The following CMSS1 variants were observed in gnomAD, a reference collection of about 807,000 sequenced individuals.
CMSS1 encodes protein CMSS1.
CMSS1 carries 33 observed loss-of-function variants against 43.5 expected under a neutral mutation model. The observed-to-expected ratio is 0.76, with a 90% confidence interval of 0.57 to 1.01. CMSS1 has a LOEUF of 1.01. Among genes scored for constraint, CMSS1 ranks in the 50% least tolerant of loss-of-function variants. CMSS1 has a pLI of 0.00. For synonymous variants in CMSS1, 115 were observed against 117.2 expected, an observed-to-expected ratio of 0.98 and a Z score of 0.12; for missense variants, 313 against 326.4, an observed-to-expected ratio of 0.96 and a Z score of 0.32.
chr3:99,872,269 CTGTGTG>C (rs55727823), intron 1 of CMSS1, among the ~76,000 whole-genome samples: 3,005 of 110,802 alleles, frequency 0.027, 51 homozygotes, highest in African/African-American at 0.045. Flanking sequence ...TGTGCCAGGA[CTGTGTG>C]TGTGTGTGTG....
intron 1 of CMSS1, among the ~76,000 whole-genome samples, chr3:99,832,702 G>A (rs1385439445): frequency 7.7e-6 from 1 of 130,632 alleles, no homozygotes; most frequent in Non-Finnish European, 1.6e-5. Context: ...ACAGCCGGGC[G>A]TCGTGGCGCA....
intron 1 of CMSS1, among the ~76,000 whole-genome samples, chr3:100,103,528 T>G (rs1576065103): frequency 6.6e-6 from 1 of 152,218 alleles, no homozygotes; most frequent in Non-Finnish European, 1.5e-5. Flanking sequence ...TTGAATCAGG[T>G]TTTTTCTAGG....
intron 1 of CMSS1, among the ~76,000 whole-genome samples, chr3:99,931,617 G>A (rs919846823): frequency 1.1e-4 from 17 of 152,114 alleles, no homozygotes; most frequent in Non-Finnish European, 2.2e-4. Context: ...ATGAAGGCTT[G>A]GTCCCTGGCT....
chr3:100,145,429 CAG>C (rs1320768145), intron 1 of CMSS1, among the ~76,000 whole-genome samples: 1 of 150,492 alleles, frequency 6.6e-6, no homozygotes, highest in Non-Finnish European at 1.5e-5. Context: ...GCCTGGGCGA[CAG>C]AGAGAGATTC....
At chr3:100,117,532 T>C (rs1329135739) in intron 1 of CMSS1, among the ~76,000 whole-genome samples, 1 of 151,960 alleles carries the variant, frequency 6.6e-6, no homozygotes, top group Non-Finnish European at 1.5e-5. Context: ...AACTCTCCTA[T>C]AGAACTGTGC....
intron 1 of CMSS1, among the ~76,000 whole-genome samples, chr3:100,026,382 CA>C (rs1391737355): frequency 1.3e-5 from 2 of 151,832 alleles, no homozygotes; most frequent in Non-Finnish European, 2.9e-5. Context: ...GAAGGCCAGA[CA>C]TAAAACAAGG....
chr3:99,853,839 A>G (rs1943826938), intron 1 of CMSS1, among the ~76,000 whole-genome samples: 1 of 152,228 alleles, frequency 6.6e-6, no homozygotes, highest in South Asian at 2.1e-4. Flanking sequence ...CCTGTCGGGA[A>G]GGTAAACAAG....
rs1576570639 is a variant in CMSS1 at position 99,916,365 on chromosome 3, T to C, written c.64+98322T>C. Among the ~76,000 whole-genome samples, 3 of 151,732 alleles carry C rather than the reference T, an allele frequency of 2.0e-5. No individual in the cohort carries two copies. The East Asian group carries it at 5.8e-4, about 29-fold the overall frequency. On this transcript the variant is annotated intron_variant, in intron 1 of 9. Transcript: ENST00000421999. ...TGACTGGCTTTCTTGGGTCTCCAGT[T>C]TGAAGACAGCAGCTCATGCAACTGC...
At chr3:99,937,627 G>T (rs1013847815) in intron 1 of CMSS1, among the ~76,000 whole-genome samples, 1 of 152,180 alleles carries the variant, frequency 6.6e-6, no homozygotes, top group African/African-American at 2.4e-5. Context: ...TTAGCACAGG[G>T]CCCCTGTTGT....
At chr3:99,823,823 G>T (rs763698819) in intron 1 of CMSS1, among the ~76,000 whole-genome samples, 1 of 151,896 alleles carries the variant, frequency 6.6e-6, no homozygotes, top group Non-Finnish European at 1.5e-5. Context: ...CCTTCATTCT[G>T]TTCCTCAGTA....
At chr3:99,891,811 G>T (rs148320567) in intron 1 of CMSS1, among the ~76,000 whole-genome samples, 4 of 152,246 alleles carry the variant, frequency 2.6e-5, no homozygotes, top group Admixed American at 6.5e-5. Context: ...TGATTTTTCA[G>T]TTGCCTAATT....
At chr3:99,929,906 CT>C in intron 1 of CMSS1, 1 of 1,613,540 alleles carries the variant, frequency 6.2e-7, no homozygotes, top group South Asian at 1.1e-5. Context: ...GTAGATTTCG[CT>C]TGAAAAGCAT....
chr3:100,156,299 CTTTTTTTT>C (rs34413816), intron 2 of CMSS1, among the ~76,000 whole-genome samples: 3 of 73,052 alleles, frequency 4.1e-5, no homozygotes, highest in Non-Finnish European at 7.7e-5. Flanking sequence ...AATTTTTTTT[CTTTTTTTT>C]TTTTTTTTTT....
intron 1 of CMSS1, among the ~76,000 whole-genome samples, chr3:100,093,438 A>C (rs1471812559): frequency 6.6e-6 from 1 of 152,128 alleles, no homozygotes; most frequent in Non-Finnish European, 1.5e-5. Flanking sequence ...CTTACAAAAA[A>C]TATATACTTT....
At chr3:100,060,961 C>T (rs2065554556) in intron 1 of CMSS1, among the ~76,000 whole-genome samples, 1 of 152,066 alleles carries the variant, frequency 6.6e-6, no homozygotes, top group African/African-American at 2.4e-5. Context: ...GTTGCAGAAC[C>T]ACATCCTCAT....
intron 1 of CMSS1, among the ~76,000 whole-genome samples, chr3:100,130,533 A>C (rs1010703225): frequency 6.6e-6 from 1 of 152,206 alleles, no homozygotes; most frequent in Non-Finnish European, 1.5e-5. Flanking sequence ...ACATTGCCCT[A>C]AGGGGGACCA....
intron 2 of CMSS1, 72 bp downstream of exon 2, chr3:100,147,133 T>G (rs963264234): frequency 1.3e-6 from 2 of 1,511,802 alleles, no homozygotes; most frequent in African/African-American, 2.8e-5. Context: ...TCTATTGAAC[T>G]CCCCATGTCC....
chr3:99,998,435 G>A (rs1211198616), intron 1 of CMSS1, among the ~76,000 whole-genome samples: 3 of 152,230 alleles, frequency 2.0e-5, no homozygotes, highest in East Asian at 1.9e-4. Flanking sequence ...CTATATATAC[G>A]TACTCAAAGA....
chr3:99,907,138 C>T (rs2107634471), intron 1 of CMSS1, among the ~76,000 whole-genome samples: 1 of 152,268 alleles, frequency 6.6e-6, no homozygotes, highest in East Asian at 1.9e-4. Context: ...GGAAGCAGCC[C>T]TTCAACTCAG....
Sources: gnomAD v4.1 joint callset for allele counts (sites outside exome capture counted in the v4.1 genomes callset) on GRCh38, gnomAD v4.1.1 for gene constraint, MANE v1.5 for transcripts, NCBI Gene and HGNC (gene_info 2026-07-23, HGNC 2026-07-21) for gene names.